The following CDH23 variants were observed in gnomAD, a reference collection of about 807,000 sequenced individuals.
CDH23 encodes the protein cadherin related 23.
Under a neutral mutation model 317.1 loss-of-function variants are expected in CDH23, and 189 were observed. The observed-to-expected ratio is 0.60, with a 90% CI of 0.53 to 0.67. CDH23 has a LOEUF of 0.67. Among genes scored for constraint, CDH23 ranks in the 30% least tolerant of loss-of-function variants. CDH23 has a pLI of 0.00. For missense variants in CDH23, 4,401 were observed against 4,592.4 expected (o/e 0.96, Z 1.20); for synonymous variants, 1,839 against 1,876.8 (o/e 0.98, Z 0.52).
intron 1 of CDH23, among the ~76,000 whole-genome samples, chr10:71,434,798 C>T (rs756206688): frequency 6.6e-6 from 1 of 152,160 alleles, no homozygotes; most frequent in Non-Finnish European, 1.5e-5. Context: ...GACTTGCTCA[C>T]CCCTGATGGA....
intron 2 of CDH23, among the ~76,000 whole-genome samples, chr10:71,442,495 A>G (rs1849938267): frequency 6.6e-6 from 1 of 152,036 alleles, no homozygotes; most frequent in Non-Finnish European, 1.5e-5. Context: ...ACCCCAGCCG[A>G]TCTCTACCCC....
At chr10:71,423,059 G>T (rs949626070) in intron 1 of CDH23, among the ~76,000 whole-genome samples, 1 of 151,982 alleles carries the variant, frequency 6.6e-6, no homozygotes, top group Non-Finnish European at 1.5e-5. Flanking sequence ...CACTACTATT[G>T]AACACCTCCT....
At chr10:71,687,560 GCCTGACT>G in intron 18 of CDH23, 80 bp from the exon 19 acceptor site, 1 of 1,222,886 alleles carries the variant, frequency 8.2e-7, no homozygotes, top group Non-Finnish European at 1.2e-6. Context: ...GCCAGACCTA[GCCTGACT>G]CCTTGGTGCC....
intron 38 of CDH23, among the ~76,000 whole-genome samples, chr10:71,756,585 G>A (rs556522814): frequency 2.6e-5 from 4 of 152,196 alleles, no homozygotes; most frequent in African/African-American, 9.7e-5. Context: ...CCTCCAAAAA[G>A]GTGTACACGA....
Position 71,814,989 on chromosome 10 carries a change from A to T in CDH23, c.9776A>T (p.His3259Leu). ...GAGCTGGACGAGGAGCCAGGAGACC[A>T]CAGCCCAGGGCAGGGTAGCCTGCGC... ...QTELDEEPGD[H>L]SPGQGSLRFR... The change falls in exon 70 of 70, where the codon CAC (histidine) becomes CTC (leucine). Residue 3259 changes from histidine (H) to leucine (L), a missense_variant. By Grantham distance (99) the His-to-Leu change is moderately conservative (BLOSUM62 -3). Around this residue, in one of 3 missense-constraint regions of CDH23, gnomAD observed 1,144 missense variants for 1,138.2 expected, o/e 1.01. Transcript: ENST00000224721. 4 of 1,612,614 alleles carry T rather than the reference A, an allele frequency of 2.5e-6. No individual in the cohort carries two copies. The highest frequency in any genetic ancestry group is 3.4e-6 in the Non-Finnish European group (4 of 1,179,714).
chr10:71,755,598 C>T, intron 38 of CDH23: 2 of 795,760 alleles, frequency 2.5e-6, no homozygotes, highest in South Asian at 1.6e-5. Context: ...AGCTAGACCC[C>T]CAGCAACCTA....
rs141373312 is a variant in CDH23 at position 71,404,104 on chromosome 10, A to G, written c.-6+6786A>G. ...AAGACCCTGTCTCAAAAAAATAAAT[A>G]AATAAATAAATTCACGGAAGAATAC... On this transcript the variant is annotated intron_variant, in intron 1 of 69. Transcript: ENST00000224721. 4.0e-3 allele frequency among the ~76,000 whole-genome samples: 610 copies of G among 152,330 alleles called. 4 individuals carry two copies. Among genetic ancestry groups the G allele is most frequent in the Middle Eastern group, 0.037 (11 of 294 alleles).
At chr10:71,552,460 G>A (rs895860563) in intron 6 of CDH23, among the ~76,000 whole-genome samples, 1 of 152,238 alleles carries the variant, frequency 6.6e-6, no homozygotes, top group African/African-American at 2.4e-5. Context: ...CCAGCCGTGG[G>A]GCGTTTTAAC....
At chr10:71,579,007 C>T (rs56194845) in intron 9 of CDH23, among the ~76,000 whole-genome samples, 5,879 of 152,214 alleles carry the variant, frequency 0.039, 356 homozygotes, top group African/African-American at 0.13. Flanking sequence ...GGGTCCCTGT[C>T]CCTCAATTTG....
intron 38 of CDH23, among the ~76,000 whole-genome samples, chr10:71,763,503 G>T (rs1439048314): frequency 1.3e-5 from 2 of 152,098 alleles, no homozygotes; most frequent in South Asian, 2.1e-4. Flanking sequence ...CAGGACCCTC[G>T]GCGGCAGGCT....
intron 38 of CDH23, chr10:71,773,413 G>A (rs1458141269): frequency 6.2e-7 from 1 of 1,606,602 alleles, no homozygotes; most frequent in East Asian, 2.2e-5. Flanking sequence ...GCCAGCTGCC[G>A]GCCTCCAGGG....
At chr10:71,607,488 T>A (rs1860601144) in intron 9 of CDH23, among the ~76,000 whole-genome samples, 1 of 152,238 alleles carries the variant, frequency 6.6e-6, no homozygotes, top group Admixed American at 6.5e-5. Context: ...CAAGACACTT[T>A]GCGCAGTGCC....
chr10:71,405,989 C>T (rs1052329546), intron 1 of CDH23, among the ~76,000 whole-genome samples: 1 of 150,794 alleles, frequency 6.6e-6, no homozygotes, highest in African/African-American at 2.4e-5. Flanking sequence ...TTCTAGTGTC[C>T]ACTTGGAAAA....
chr10:71,577,827 G>A, intron 8 of CDH23, 87 bp from the exon 9 acceptor site: 4 of 1,154,792 alleles, frequency 3.5e-6, no homozygotes, highest in East Asian at 2.6e-5. Flanking sequence ...ATCAGCCTGG[G>A]GAGGGAAGCT....
chr10:71,397,865 AG>A lies in CDH23; in HGVS notation c.-6+551del. Among the ~76,000 whole-genome samples the A allele has an allele frequency of 6.6e-6, 1 of 152,262 alleles. No individual in the cohort carries two copies. Among genetic ancestry groups the A allele is most frequent in the East Asian group, 1.9e-4 (1 of 5,160 alleles). On this transcript the variant is annotated intron_variant, in intron 1 of 69. Coordinates refer to ENST00000224721, the MANE Select transcript of CDH23 (RefSeq NM_022124.6). This position sits in a 1 kb window ranked among gnomAD's most constrained non-coding sequence, Gnocchi z 4.8. ...AGTCCCTGTGCCCGCGGGAGACCCC[AG>A]GGGACTTACACATCCTCCCAAATTC...
At chr10:71,417,257 A>G (rs1848575566) in intron 1 of CDH23, among the ~76,000 whole-genome samples, 1 of 151,830 alleles carries the variant, frequency 6.6e-6, no homozygotes, top group Admixed American at 6.6e-5. Flanking sequence ...TTGTATTTTT[A>G]GTAGAGACAG....
At chr10:71,560,341 C>T (rs1331633434) in intron 6 of CDH23, among the ~76,000 whole-genome samples, 5 of 151,818 alleles carry the variant, frequency 3.3e-5, no homozygotes, top group African/African-American at 1.2e-4. Context: ...TTGAAGTACC[C>T]TCCTTCCTTC....
intron 18 of CDH23, among the ~76,000 whole-genome samples, chr10:71,687,051 G>A (rs1864933694): frequency 6.6e-6 from 1 of 152,186 alleles, no homozygotes; most frequent in Non-Finnish European, 1.5e-5. Flanking sequence ...TGACAGGGGT[G>A]GGGCTCTAGG....
At chr10:71,400,690 G>A (rs1193559117) in intron 1 of CDH23, among the ~76,000 whole-genome samples, 22 of 152,050 alleles carry the variant, frequency 1.4e-4, no homozygotes, top group African/African-American at 2.4e-5. Flanking sequence ...TCCCAGCTAC[G>A]TGAGAGGCTG....
Sources: allele counts gnomAD v4.1 joint callset (sites outside exome capture counted in the v4.1 genomes callset), GRCh38; gene constraint gnomAD v4.1.1; regional missense constraint gnomAD v4.1.1; non-coding constraint Gnocchi (gnomAD v3.1); transcripts MANE v1.5; gene names NCBI Gene and HGNC (gene_info 2026-07-23, HGNC 2026-07-21).